Variants in UNC13A observed in about 807,000 individuals in gnomAD.
The protein encoded by UNC13A is unc-13 homolog A.
UNC13A carries 61 observed loss-of-function variants against 219.7 expected under a neutral mutation model. That is an observed-to-expected ratio of 0.28 (90% CI 0.23 to 0.34). The LOEUF is 0.34. Among genes scored for constraint, UNC13A ranks in the 10% least tolerant of loss-of-function variants. UNC13A has a pLI of 1.00. For missense variants in UNC13A, 1,476 were observed against 2,270.3 expected (o/e 0.65, Z 7.11); for synonymous variants, 920 against 884.6 (o/e 1.04, Z -0.71).
At chr19:17,652,548 C>T in intron 12 of UNC13A, 83 bp downstream of exon 12, 1 of 1,581,906 alleles carries the variant, frequency 6.3e-7, no homozygotes. Flanking sequence ...TCCTCCTCCT[C>T]TCTGGGCTGA....
chr19:17,682,812 C>T (rs981261638), intron 1 of UNC13A, among the ~76,000 whole-genome samples: 2 of 152,132 alleles, frequency 1.3e-5, no homozygotes, highest in Non-Finnish European at 2.9e-5. Context: ...CCTGTAATCC[C>T]AGCACTTTGG....
chr19:17,682,188 A>C (rs1003002387), intron 1 of UNC13A, among the ~76,000 whole-genome samples: 2 of 152,140 alleles, frequency 1.3e-5, no homozygotes, highest in African/African-American at 4.8e-5. Flanking sequence ...TCCTGAGCTC[A>C]GGAGATCTGC....
chr19:17,644,208 A>T (rs552789902), intron 19 of UNC13A, among the ~76,000 whole-genome samples: 4 of 151,968 alleles, frequency 2.6e-5, no homozygotes, highest in African/African-American at 9.7e-5. Context: ...GGTCGGGGGG[A>T]CACAGAGTCT....
At chr19:17,625,901 C>G (rs916009149) in intron 34 of UNC13A, among the ~76,000 whole-genome samples, 2 of 151,756 alleles carry the variant, frequency 1.3e-5, no homozygotes, top group African/African-American at 4.8e-5. Flanking sequence ...ATTCAATGAT[C>G]TAAATATCTA....
intron 1 of UNC13A, among the ~76,000 whole-genome samples, chr19:17,684,165 A>G (rs1168758264): frequency 1.3e-5 from 2 of 152,208 alleles, no homozygotes; most frequent in African/African-American, 4.8e-5. Flanking sequence ...AAGATCTGGA[A>G]GTAACCCTTC....
chr19:17,653,124 G>C (rs1428232224), intron 11 of UNC13A, among the ~76,000 whole-genome samples: 1 of 152,034 alleles, frequency 6.6e-6, no homozygotes, highest in Non-Finnish European at 1.5e-5. Flanking sequence ...GGTTAACATG[G>C]GGGGAGGGGT....
intron 26 of UNC13A, among the ~76,000 whole-genome samples, chr19:17,634,727 C>A (rs1355196380): frequency 1.3e-5 from 2 of 152,102 alleles, no homozygotes; most frequent in African/African-American, 4.8e-5. Flanking sequence ...CGGAGTCTCG[C>A]TCTGTCACCC....
chr19:17,620,643 T>C (rs374258905), intron 38 of UNC13A, 50 bp downstream of exon 38: 3 of 1,121,984 alleles, frequency 2.7e-6, no homozygotes, highest in Non-Finnish European at 3.7e-6. Flanking sequence ...AGGGGTGGGG[T>C]GGGGGGGAGT....
intron 19 of UNC13A, among the ~76,000 whole-genome samples, chr19:17,644,049 C>T (rs2076997849): frequency 1.3e-5 from 2 of 152,186 alleles, no homozygotes; most frequent in African/African-American, 4.8e-5. Flanking sequence ...AGATTAGGCT[C>T]ATACACCCTG....
chr19:17,679,853 G>C lies in UNC13A; in HGVS notation c.23-3812C>G, dbSNP rs2079972876. The stretch of plus-strand genomic sequence containing the variant: ...TCCGGCTCCTCTTCCCTAAGCCTCA[G>C]CTCCTTCCTGCAGCCTCTCTTGGCT... On this transcript the variant is annotated intron_variant, in intron 1 of 43. Coordinates refer to ENST00000519716, the MANE Select transcript of UNC13A (RefSeq NM_001080421.3). 2.0e-5 allele frequency among the ~76,000 whole-genome samples: 3 copies of C among 152,176 alleles called. No homozygotes were observed. In the South Asian group the frequency reaches 6.2e-4, roughly 32 times the overall value.
intron 10 of UNC13A, 70 bp downstream of exon 10, chr19:17,655,813 C>A (rs1320273558): frequency 2.8e-6 from 4 of 1,449,342 alleles, no homozygotes; most frequent in Middle Eastern, 1.9e-4. Context: ...TCCACGCTGA[C>A]CCCATCATAG....
intron 40 of UNC13A, 142 bp downstream of exon 40, chr19:17,618,279 G>T (rs2076690004): frequency 1.1e-6 from 1 of 926,758 alleles, no homozygotes; most frequent in Non-Finnish European, 1.6e-6. Context: ...AGCCAGCCCA[G>T]CTCTGGCACA....
intron 6 of UNC13A, among the ~76,000 whole-genome samples, 181 bp from the exon 7 acceptor site, chr19:17,666,885 A>AC (rs1489627456): frequency 4.2e-5 from 5 of 118,656 alleles, no homozygotes; most frequent in Non-Finnish European, 8.6e-5. Flanking sequence ...CACACACGAG[A>AC]GAGAGAGAGA....
chr19:17,639,549 G>A (rs2076945371), intron 23 of UNC13A, 24 bp from the exon 24 acceptor site: 1 of 1,608,860 alleles, frequency 6.2e-7, no homozygotes, highest in South Asian at 1.1e-5. Flanking sequence ...GAAGAGATGT[G>A]GGGTTATGGA....
intron 42 of UNC13A, among the ~76,000 whole-genome samples, chr19:17,611,530 C>T (rs2144925117): frequency 6.6e-6 from 1 of 152,240 alleles, no homozygotes; most frequent in East Asian, 1.9e-4. Flanking sequence ...GTGTTCTAGT[C>T]AACAAAAGCC....
chr19:17,677,916 A>G lies in UNC13A; in HGVS notation c.23-1875T>C, dbSNP rs565476842. ...ACGTTCGTTTTGCTTGATTTCCAAGACAAATGGTAGCATTCGACACCCACT... is the reference window on the plus strand; with the variant it reads ...ACGTTCGTTTTGCTTGATTTCCAAGGCAAATGGTAGCATTCGACACCCACT... On this transcript the variant is annotated intron_variant, in intron 1 of 43. Transcript: ENST00000519716. 1.2e-4 allele frequency among the ~76,000 whole-genome samples: 19 copies of G among 152,266 alleles called. No homozygotes were observed. In the South Asian group the frequency reaches 3.1e-3, roughly 25 times the overall value.
intron 4 of UNC13A, 121 bp downstream of exon 4, chr19:17,672,256 CA>C: frequency 1.3e-6 from 1 of 791,146 alleles, no homozygotes; most frequent in Admixed American, 2.4e-5. Flanking sequence ...GTGGCAATCC[CA>C]AGTGTCTACA....
chr19:17,608,325 TAATA>T (rs970983407), intron 43 of UNC13A, among the ~76,000 whole-genome samples: 2 of 136,430 alleles, frequency 1.5e-5, no homozygotes, highest in Admixed American at 8.2e-5. Context: ...TTATACTATA[TAATA>T]TATACTATAT....
chr19:17,633,262 C>A, intron 26 of UNC13A, 69 bp from the exon 27 acceptor site: 1 of 1,463,078 alleles, frequency 6.8e-7, no homozygotes, highest in Non-Finnish European at 9.5e-7. Flanking sequence ...CTTTGTCCTT[C>A]CCTGCCCCAC....
Sources: gnomAD v4.1 joint callset for allele counts (sites outside exome capture counted in the v4.1 genomes callset) on GRCh38, gnomAD v4.1.1 for gene constraint, MANE v1.5 for transcripts, NCBI Gene and HGNC (gene_info 2026-07-23, HGNC 2026-07-21) for gene names.